ANK3: variants seen among roughly 807,000 people sequenced by gnomAD.
ANK3 encodes the protein ankyrin-3.
In ANK3, 57 loss-of-function variants were observed where a neutral mutation model predicts 370.9. That is an observed-to-expected ratio of 0.15 (90% CI 0.12 to 0.19). The LOEUF is 0.19. Ranked by LOEUF, ANK3 falls within the 10% of genes least tolerant of loss-of-function variation. The pLI is 1.00. For missense variants in ANK3, 4,439 were observed against 5,302.1 expected, an observed-to-expected ratio of 0.84 and a Z score of 5.06; for synonymous variants, 1,929 against 1,946.3, an observed-to-expected ratio of 0.99 and a Z score of 0.23.
At chr10:60,290,995 G>A (rs1252321553) in intron 1 of ANK3, among the ~76,000 whole-genome samples, 1 of 151,972 alleles carries the variant, frequency 6.6e-6, no homozygotes, top group East Asian at 1.9e-4. Flanking sequence ...GGAGGATCTA[G>A]AATTCAGGCC....
intron 42 of ANK3, among the ~76,000 whole-genome samples, chr10:60,050,491 T>G (rs980937426): frequency 1.3e-5 from 2 of 152,198 alleles, no homozygotes; most frequent in Admixed American, 6.5e-5. Flanking sequence ...TCTTGACACT[T>G]TGGGATTGGT....
chr10:60,400,506 A>G (rs1295872351), intron 2 of ANK3, among the ~76,000 whole-genome samples: 1 of 152,204 alleles, frequency 6.6e-6, no homozygotes, highest in Non-Finnish European at 1.5e-5. Flanking sequence ...ATTTCATGAT[A>G]GCATATTCTA....
chr10:60,063,189 G>C lies in ANK3; in HGVS notation c.12517C>G (p.Pro4173Ala). 1.2e-6 allele frequency: 2 copies of C among 1,613,416 alleles called. No individual in the cohort carries two copies. The highest frequency in any genetic ancestry group is 1.7e-6 in the Non-Finnish European group (2 of 1,179,696). Reference protein sequence around the residue: ...RIDIVTLLEGPIFDYGNISGT... With the variant: ...RIDIVTLLEGAIFDYGNISGT... The stretch of plus-strand genomic sequence containing the variant: ...GAAATATTTCCATAATCAAATATTG[G>C]TCCTTCTAGCAGTGTCACTATATCT... The change falls in exon 40 of 44, where the codon CCA becomes GCA. Residue 4173 changes from proline to alanine, a missense_variant. Physicochemically the swap from Pro to Ala is conservative, Grantham distance 27. Transcript: ENST00000280772.
chr10:60,286,006 T>C (rs1257163384), intron 1 of ANK3, among the ~76,000 whole-genome samples: 1 of 152,226 alleles, frequency 6.6e-6, no homozygotes, highest in East Asian at 1.9e-4. Context: ...GGGACTTTTT[T>C]AGTTCTTTCT....
rs1388992273 is a variant in ANK3, at chr10:60,213,516, G to C, written c.898-6C>G. The C allele has an allele frequency of 1.3e-6, 2 of 1,574,494 alleles. No homozygotes were observed. Among genetic ancestry groups the C allele is most frequent in the Non-Finnish European group, 8.7e-7 (1 of 1,152,766 alleles). On this transcript the variant is annotated splice_polypyrimidine_tract_variant and splice_region_variant and intron_variant, in intron 8 of 43. Transcript: ENST00000280772. The stretch of plus-strand genomic sequence containing the variant: ...TGCAGTGGTGTCAGACCATCCTGTT[G>C]AACAAAGGAAACATCACCAATTAAA...
intron 1 of ANK3, among the ~76,000 whole-genome samples, chr10:60,731,710 G>T (rs943797308): frequency 6.6e-6 from 1 of 152,216 alleles, no homozygotes; most frequent in African/African-American, 2.4e-5. Flanking sequence ...GTCAGCAGAT[G>T]ACAAGGCTGC....
chr10:60,055,593 C>G, intron 42 of ANK3, 65 bp downstream of exon 42: 2 of 1,515,504 alleles, frequency 1.3e-6, no homozygotes, highest in South Asian at 2.8e-5. Context: ...CAAGATCAAT[C>G]CAAAGAAGTA....
At chr10:60,317,745 G>A (rs902402850) in intron 1 of ANK3, among the ~76,000 whole-genome samples, 8 of 131,172 alleles carry the variant, frequency 6.1e-5, no homozygotes, top group East Asian at 4.5e-4. Flanking sequence ...ACGGAGTCTC[G>A]CTCTGTCACC....
chr10:60,688,969 AAG>A (rs2079310089), intron 1 of ANK3, among the ~76,000 whole-genome samples: 1 of 149,138 alleles, frequency 6.7e-6, no homozygotes, highest in South Asian at 2.2e-4. Flanking sequence ...AAAAAAAAAA[AAG>A]ATAAAATCAG....
At chr10:60,695,062 G>C (rs1401289307) in intron 1 of ANK3, among the ~76,000 whole-genome samples, 1 of 147,070 alleles carries the variant, frequency 6.8e-6, no homozygotes, top group Non-Finnish European at 1.5e-5. Context: ...GATCTACCAA[G>C]CAAATGGAAA....
intron 1 of ANK3, among the ~76,000 whole-genome samples, chr10:60,337,684 A>T (rs1483293853): frequency 6.6e-6 from 1 of 152,186 alleles, no homozygotes; most frequent in Non-Finnish European, 1.5e-5. Flanking sequence ...ATTCAATTCC[A>T]CAGCTATCCA....
chr10:60,468,310 T>C (rs908362816), intron 2 of ANK3, among the ~76,000 whole-genome samples: 5 of 152,108 alleles, frequency 3.3e-5, no homozygotes, highest in Admixed American at 6.6e-5. Context: ...ATATGTAATT[T>C]AGCACCATAC....
intron 7 of ANK3, among the ~76,000 whole-genome samples, chr10:60,243,947 G>A (rs1009241598): frequency 1.3e-5 from 2 of 152,168 alleles, no homozygotes; most frequent in Admixed American, 1.3e-4. Flanking sequence ...CTCAGGCAAA[G>A]CTGGAGTTGA....
intron 1 of ANK3, among the ~76,000 whole-genome samples, chr10:60,647,457 C>G (rs766553033): frequency 2.5e-4 from 38 of 152,236 alleles, no homozygotes; most frequent in South Asian, 1.9e-3. Flanking sequence ...TTAGTCATAT[C>G]ACTGGACAAC....
At chr10:60,540,825 G>A (rs892741070) in intron 2 of ANK3, among the ~76,000 whole-genome samples, 7 of 151,932 alleles carry the variant, frequency 4.6e-5, no homozygotes, top group Non-Finnish European at 7.4e-5. Flanking sequence ...TAAAAAGCCT[G>A]TCACGACAGT....
At chr10:60,563,533 AT>A (rs1206390992) in intron 2 of ANK3, among the ~76,000 whole-genome samples, 1 of 152,148 alleles carries the variant, frequency 6.6e-6, no homozygotes, top group African/African-American at 2.4e-5. Flanking sequence ...TAAGCAAAGA[AT>A]TTTTACTTTT....
At chr10:60,295,909 C>T (rs2042398295) in intron 1 of ANK3, among the ~76,000 whole-genome samples, 1 of 152,134 alleles carries the variant, frequency 6.6e-6, no homozygotes, top group Non-Finnish European at 1.5e-5. Context: ...CTGCAAATCT[C>T]TTTAATGTAC....
chr10:60,433,672 G>A (rs572687843), intron 2 of ANK3, among the ~76,000 whole-genome samples: 1 of 152,298 alleles, frequency 6.6e-6, no homozygotes, highest in East Asian at 1.9e-4. Flanking sequence ...AAGTAGGGAG[G>A]TGGAGGGCAG....
chr10:60,528,134 C>T (rs1190835977), intron 2 of ANK3, among the ~76,000 whole-genome samples: 3 of 124,260 alleles, frequency 2.4e-5, no homozygotes, highest in Non-Finnish European at 5.0e-5. Flanking sequence ...TTTTCTTCTT[C>T]TTCTTTTTTT....
Sources: gnomAD v4.1 joint callset for allele counts (sites outside exome capture counted in the v4.1 genomes callset) on GRCh38, gnomAD v4.1.1 for gene constraint, MANE v1.5 for transcripts, NCBI Gene and HGNC (gene_info 2026-07-23, HGNC 2026-07-21) for gene names.